Variants in ATRN observed in about 807,000 individuals in gnomAD.
ATRN encodes attractin-2.
In ATRN, 54 loss-of-function variants were observed where a neutral mutation model predicts 178.7. The ratio of observed to expected loss-of-function variants is 0.30; its 90% CI spans 0.24 to 0.38. The LOEUF (loss-of-function observed/expected upper bound fraction) is 0.38, where lower values mean the gene tolerates loss of function less well. Among genes scored for constraint, ATRN ranks in the 10% least tolerant of loss-of-function variants. ATRN has a pLI of 1.00. For missense variants in ATRN, 1,443 were observed against 1,815.1 expected (o/e 0.79, Z 3.73); for synonymous variants, 636 against 663.0 (o/e 0.96, Z 0.63).
intron 1 of ATRN, among the ~76,000 whole-genome samples, chr20:3,507,406 C>CAAA (rs375138925): frequency 8.0e-5 from 7 of 87,514 alleles, no homozygotes; most frequent in Non-Finnish European, 1.1e-4. Flanking sequence ...AACTCCGTCT[C>CAAA]AAAAAAAAAA....
At chr20:3,609,308 T>C (rs2086727278) in intron 24 of ATRN, among the ~76,000 whole-genome samples, 2 of 152,216 alleles carry the variant, frequency 1.3e-5, no homozygotes, top group African/African-American at 4.8e-5. Context: ...GAGAATGGGA[T>C]TGCTTTCTTG....
intron 25 of ATRN, among the ~76,000 whole-genome samples, chr20:3,628,733 C>T (rs1450101239): frequency 2.0e-5 from 3 of 151,966 alleles, no homozygotes. Flanking sequence ...CCAAAGGATA[C>T]TTTTTGGTTC....
chr20:3,591,500 G>T (rs2086441662), intron 19 of ATRN, among the ~76,000 whole-genome samples, 194 bp downstream of exon 19: 1 of 152,198 alleles, frequency 6.6e-6, no homozygotes, highest in Non-Finnish European at 1.5e-5. Flanking sequence ...AAAGCAACAA[G>T]CCAAAAATGT....
At chr20:3,628,958 T>A (rs1302478924) in intron 25 of ATRN, 2 of 985,166 alleles carry the variant, frequency 2.0e-6, no homozygotes, top group Non-Finnish European at 2.4e-6. Flanking sequence ...GCCTTCCCCA[T>A]CTGCAGCACG....
intron 1 of ATRN, among the ~76,000 whole-genome samples, chr20:3,511,424 A>AT (rs1421548715): frequency 6.6e-6 from 1 of 151,690 alleles, no homozygotes; most frequent in East Asian, 1.9e-4. Flanking sequence ...AATCAGGAGG[A>AT]TTTTTTTTAG....
At chr20:3,506,067 C>T (rs144026222) in intron 1 of ATRN, among the ~76,000 whole-genome samples, 40 of 152,212 alleles carry the variant, frequency 2.6e-4, no homozygotes, top group African/African-American at 9.2e-4. Flanking sequence ...GACACATACA[C>T]ATACACATAC....
At chr20:3,626,943 C>T (rs375717987) in intron 25 of ATRN, among the ~76,000 whole-genome samples, 3 of 151,932 alleles carry the variant, frequency 2.0e-5, no homozygotes, top group Non-Finnish European at 4.4e-5. Context: ...CGTGCCACCA[C>T]GCATGGCTAA....
At chr20:3,535,049 GTATT>G (rs2085505786) in intron 1 of ATRN, among the ~76,000 whole-genome samples, 200 bp from the exon 2 acceptor site, 1 of 151,896 alleles carries the variant, frequency 6.6e-6, no homozygotes, top group Non-Finnish European at 1.5e-5. Flanking sequence ...TATGCAATAA[GTATT>G]TGTTTCATCT....
intron 1 of ATRN, chr20:3,489,910 T>A (rs528282353): frequency 1.6e-6 from 2 of 1,276,978 alleles, no homozygotes; most frequent in Non-Finnish European, 2.3e-6. Context: ...TTGTAAATGA[T>A]CTCGTTCTTT....
chr20:3,556,880 A>G (rs2085884458), intron 6 of ATRN, among the ~76,000 whole-genome samples: 1 of 152,174 alleles, frequency 6.6e-6, no homozygotes, highest in Non-Finnish European at 1.5e-5. Flanking sequence ...GGGACCTGCC[A>G]GCACCTATGT....
chr20:3,595,342 T>C (rs1271305128), intron 20 of ATRN, among the ~76,000 whole-genome samples: 1 of 152,254 alleles, frequency 6.6e-6, no homozygotes, highest in African/African-American at 2.4e-5. Context: ...AAAAAGTGTT[T>C]AGTGTCAAAA....
At chr20:3,536,552 G>A (rs2085536307) in intron 2 of ATRN, among the ~76,000 whole-genome samples, 1 of 151,444 alleles carries the variant, frequency 6.6e-6, no homozygotes, top group Non-Finnish European at 1.5e-5. Flanking sequence ...CACCATATTA[G>A]AACTTACAAC....
intron 24 of ATRN, among the ~76,000 whole-genome samples, chr20:3,613,979 T>C (rs1332498242): frequency 6.6e-6 from 1 of 152,188 alleles, no homozygotes; most frequent in Non-Finnish European, 1.5e-5. Flanking sequence ...TAAACTCAAG[T>C]TCCTTCACTC....
chr20:3,565,467 GT>G (rs2086019614), intron 11 of ATRN, 35 bp downstream of exon 11: 1 of 1,574,708 alleles, frequency 6.4e-7, no homozygotes, highest in African/African-American at 1.4e-5. Flanking sequence ...TTTCTTTTGT[GT>G]TTAAAATGAA....
chr20:3,528,366 C>CAA (rs35386929), intron 1 of ATRN, among the ~76,000 whole-genome samples: 21,414 of 141,252 alleles, frequency 0.15, 2,009 homozygotes, highest in Non-Finnish European at 0.22. Context: ...AACTCCGTCT[C>CAA]AAAAAAAAAA....
intron 1 of ATRN, among the ~76,000 whole-genome samples, chr20:3,486,871 G>A (rs2146080262): frequency 6.6e-6 from 1 of 152,122 alleles, no homozygotes; most frequent in Middle Eastern, 3.4e-3. Context: ...TATCATTTCT[G>A]GGAAATTCTC....
At chr20:3,613,435 G>A (rs1259611673) in intron 24 of ATRN, among the ~76,000 whole-genome samples, 1 of 152,156 alleles carries the variant, frequency 6.6e-6, no homozygotes, top group Non-Finnish European at 1.5e-5. Context: ...AATACATCAT[G>A]TTCTCAACAA....
chr20:3,495,977 G>T (rs2084873476), intron 1 of ATRN, among the ~76,000 whole-genome samples: 1 of 152,080 alleles, frequency 6.6e-6, no homozygotes, highest in African/African-American at 2.4e-5. Flanking sequence ...ACTTCTGAAT[G>T]TACTTTATTT....
chr20:3,487,325 C>G (rs2084708390), intron 1 of ATRN, among the ~76,000 whole-genome samples: 1 of 152,034 alleles, frequency 6.6e-6, no homozygotes, highest in Admixed American at 6.6e-5. Flanking sequence ...CCTCCGCCTC[C>G]CAGGTTTAAG....
Sources: gnomAD v4.1 joint callset for allele counts (sites outside exome capture counted in the v4.1 genomes callset) on GRCh38, gnomAD v4.1.1 for gene constraint, MANE v1.5 for transcripts, NCBI Gene and HGNC (gene_info 2026-07-23, HGNC 2026-07-21) for gene names.